The following ALPI variants were observed in gnomAD, a reference collection of about 807,000 sequenced individuals.
ALPI encodes intestinal-type alkaline phosphatase.
A neutral mutation model predicts 51.5 loss-of-function variants in ALPI; 50 were observed. The ratio of observed to expected loss-of-function variants is 0.97; its 90% CI spans 0.77 to 1.23. The LOEUF (loss-of-function observed/expected upper bound fraction) is 1.23, where lower values mean the gene tolerates loss of function less well. Ranked by LOEUF, ALPI falls within the 50% of genes most tolerant of loss-of-function variation. The pLI, the probability that ALPI is intolerant of heterozygous loss-of-function variation, is 0.00. For synonymous variants in ALPI, 322 were observed against 308.2 expected (o/e 1.04, Z -0.47); for missense variants, 692 against 722.4 (o/e 0.96, Z 0.48).
chr2:232,459,023 G>A lies in ALPI; in HGVS notation c.1464G>A (p.Glu488=). 1 of 1,559,384 alleles carries A rather than the reference G, an allele frequency of 6.4e-7. No homozygotes were observed. Among genetic ancestry groups the A allele is most frequent in the African/African-American group, 1.4e-5 (1 of 73,546 alleles). The change falls in exon 11 of 11, where the codon GAG becomes GAA. Residue 488 remains glutamate (E), a synonymous_variant. Coordinates refer to ENST00000295463, the MANE Select transcript of ALPI (RefSeq NM_001631.5). ...AHVMAFAACL[E]PYTACDLAPP... ...TCATGGCCTTCGCTGCCTGTCTGGA[G>A]CCCTACACGGCCTGCGACCTGGCGC...
Position 232,456,771 on chromosome 2 carries a change from G to A in ALPI, c.300+76G>A, listed in dbSNP as rs1690199791. 2 of 1,542,892 alleles carry A rather than the reference G, an allele frequency of 1.3e-6. No homozygotes were observed. The highest frequency in any genetic ancestry group is 1.9e-5 in the Admixed American group (1 of 51,292). On this transcript the variant is annotated intron_variant, in intron 3 of 10. Coordinates refer to ENST00000295463, the MANE Select transcript of ALPI (RefSeq NM_001631.5). The surrounding 1 kb of genome is among the most constrained non-coding windows in gnomAD (Gnocchi z 4.2). ...GATATGGAGTGTGGCAGGAGGGAGG[G>A]AGCCAGGACAGCTGGGGCCTAAGTT...
rs762791423 is a variant in ALPI at position 232,457,144 on chromosome 2, C to T, written c.476-6C>T. On this transcript the variant is annotated splice_region_variant and splice_polypyrimidine_tract_variant and intron_variant, in intron 4 of 10. Coordinates refer to ENST00000295463, the MANE Select transcript of ALPI (RefSeq NM_001631.5). This position sits in a 1 kb window ranked among gnomAD's most constrained non-coding sequence, Gnocchi z 4.7. ...GGTCACCGATCCTGACCTCTGTCAC[C>T]CTCAGGAAAGTCAGTAGGAGTGGTG... 1.7e-5 allele frequency: 27 copies of T among 1,613,418 alleles called. No homozygotes were observed. In the Admixed American group the frequency reaches 4.3e-4, roughly 26 times the overall value.
rs766078874 is a variant in ALPI at position 232,457,564 on chromosome 2, G to A, written c.649-1G>A. The A allele has an allele frequency of 1.2e-6, 2 of 1,607,560 alleles. No individual in the cohort carries two copies. The highest frequency in any genetic ancestry group is 1.7e-6 in the Non-Finnish European group (2 of 1,176,542). On this transcript the variant is annotated splice_acceptor_variant, in intron 5 of 10. Transcript: ENST00000295463. LOFTEE classifies it high-confidence loss of function. The surrounding 1 kb of genome is among the most constrained non-coding windows in gnomAD (Gnocchi z 4.7). ...CCACCTGCCCCATCCATTGTCCTCAGGTGATCCTTGGCGGAGGCCGCAAGT... is the reference window on the plus strand; with the variant it reads ...CCACCTGCCCCATCCATTGTCCTCAAGTGATCCTTGGCGGAGGCCGCAAGT...
In ALPI at chr2:232,457,171, C is replaced by T. The variant is rs1690209257; in HGVS notation, c.497C>T (p.Thr166Ile). 1 of 1,613,454 alleles carries T rather than the reference C, an allele frequency of 6.2e-7. No homozygotes were observed. The highest frequency in any genetic ancestry group is 8.5e-7 in the Non-Finnish European group (1 of 1,180,016). ...KQAGKSVGVV[T>I]TTRVQHASPA... ...TCAGGAAAGTCAGTAGGAGTGGTGA[C>T]CACCACACGGGTGCAGCACGCCTCG... Residue 166 changes from threonine to isoleucine, a missense_variant, in exon 5 of 11, where the codon ACC (threonine) becomes ATC (isoleucine). Transcript: ENST00000295463. The surrounding 1 kb of genome is among the most constrained non-coding windows in gnomAD (Gnocchi z 4.7).
Position 232,458,012 on chromosome 2 carries a change from G to C in ALPI, c.871G>C (p.Gly291Arg). 4 of 1,613,314 alleles carry C rather than the reference G, an allele frequency of 2.5e-6. No individual in the cohort carries two copies. Among genetic ancestry groups the C allele is most frequent in the Non-Finnish European group, 3.4e-6 (4 of 1,179,732 alleles). Reference sequence around the variant, plus strand: ...TTGTCCCACAGGCCTCTTTGAGCCCGGAGACACGAAATATGAGATCCACCG... The same window carrying C: ...TTGTCCCACAGGCCTCTTTGAGCCCCGAGACACGAAATATGAGATCCACCG... ...VTHLMGLFEPGDTKYEIHRDP... is the reference protein window; with the variant it reads ...VTHLMGLFEPRDTKYEIHRDP... Residue 291 changes from glycine to arginine, a missense_variant, in exon 8 of 11, where the codon GGA becomes CGA. By Grantham distance (125) the Gly-to-Arg change is moderately radical (BLOSUM62 -2). Coordinates refer to ENST00000295463, the MANE Select transcript of ALPI (RefSeq NM_001631.5).
At position 232,458,225 on chromosome 2, in the gene ALPI, A is replaced by G. The variant is rs988083115; in HGVS notation, c.1000A>G (p.Ile334Val). 6.2e-7 allele frequency: 1 copy of G among 1,614,072 alleles called. No individual in the cohort carries two copies. The highest frequency in any genetic ancestry group is 8.5e-7 in the Non-Finnish European group (1 of 1,179,996). ...CTCTGGCCTTCCTGCAGGCGGCCGC[A>G]TCGACCATGGTCATCATGAGGGTGT... The part of the protein sequence containing the change: ...GFYLFVEGGR[I>V]DHGHHEGVAY... Residue 334 changes from isoleucine to valine, a missense_variant, in exon 9 of 11, where the codon ATC (isoleucine) becomes GTC (valine). Coordinates refer to ENST00000295463, the MANE Select transcript of ALPI (RefSeq NM_001631.5).
chr2:232,457,185 C>A lies in ALPI; in HGVS notation c.511C>A (p.Gln171Lys), dbSNP rs1415578220. ...SVGVVTTTRV[Q>K]HASPAGTYAH... ...AGGAGTGGTGACCACCACACGGGTG[C>A]AGCACGCCTCGCCAGCCGGCACCTA... Residue 171 changes from glutamine to lysine, a missense_variant, in exon 5 of 11, where the codon CAG becomes AAG. Gln to Lys is a moderately conservative substitution (Grantham distance 53). Coordinates refer to ENST00000295463, the MANE Select transcript of ALPI (RefSeq NM_001631.5). This position sits in a 1 kb window ranked among gnomAD's most constrained non-coding sequence, Gnocchi z 4.7. The A allele has an allele frequency of 6.2e-7, 1 of 1,613,458 alleles. No individual in the cohort carries two copies. Among genetic ancestry groups the A allele is most frequent in the Non-Finnish European group, 8.5e-7 (1 of 1,180,026 alleles).
In ALPI at chr2:232,458,717, C is replaced by A; in HGVS notation, c.1269C>A (p.Gly423=). The change falls in exon 10 of 11, where the codon GGC becomes GGA. Residue 423 remains glycine, a synonymous_variant. Coordinates refer to ENST00000295463, the MANE Select transcript of ALPI (RefSeq NM_001631.5). ...GNGPGYVFNS[G]VRPDVNESES... ...GCCCGGGCTACGTGTTCAACTCAGG[C>A]GTGCGACCAGACGTGAATGAGAGCG... 3 of 1,613,960 alleles carry A rather than the reference C, an allele frequency of 1.9e-6. No homozygotes were observed. Among genetic ancestry groups the A allele is most frequent in the Non-Finnish European group, 2.5e-6 (3 of 1,180,030 alleles).
rs759327136 is a variant in ALPI, at chr2:232,456,350, TGAG to T, written c.76_78del (p.Glu26del). On this transcript the variant is annotated inframe_deletion and splice_region_variant, in exon 2 of 11. Transcript: ENST00000295463. This position sits in a 1 kb window ranked among gnomAD's most constrained non-coding sequence, Gnocchi z 4.2. The stretch of plus-strand genomic sequence containing the variant: ...GATCTCTACTCTCCCCCTGGCCAGC[TGAG>T]GAGGAGAACCCGGCCTTCTGGAACC... The T allele has an allele frequency of 1.2e-6, 2 of 1,613,894 alleles. No individual in the cohort carries two copies. The highest frequency in any genetic ancestry group is 1.7e-6 in the Non-Finnish European group (2 of 1,179,954).
rs757418119 is a variant in ALPI, at chr2:232,456,993, G to A, written c.395G>A (p.Ser132Asn). 6 of 1,613,490 alleles carry A rather than the reference G, an allele frequency of 3.7e-6. No homozygotes were observed. Among genetic ancestry groups the A allele is most frequent in the Non-Finnish European group, 5.1e-6 (6 of 1,180,038 alleles). ...VKANFQTIGL[S>N]AAARFNQCNT... ...GCCAACTTCCAGACCATCGGCTTGA[G>A]TGCAGCCGCCCGCTTTAACCAGTGC... Residue 132 changes from serine to asparagine, a missense_variant, in exon 4 of 11, where the codon AGT becomes AAT. Coordinates refer to ENST00000295463, the MANE Select transcript of ALPI (RefSeq NM_001631.5). The surrounding 1 kb of genome is among the most constrained non-coding windows in gnomAD (Gnocchi z 4.2).
At position 232,456,494 on chromosome 2, in the gene ALPI, T is replaced by C. The variant is rs766664750; in HGVS notation, c.184+29T>C. ...AGTGAGCAAGGCCTGTCCAGCCCCG[T>C]AGTCCTCACAGCCCCGGCACCCGGG... On this transcript the variant is annotated intron_variant, in intron 2 of 10. Coordinates refer to ENST00000295463, the MANE Select transcript of ALPI (RefSeq NM_001631.5). The surrounding 1 kb of genome is among the most constrained non-coding windows in gnomAD (Gnocchi z 4.2). The C allele has an allele frequency of 6.2e-7, 1 of 1,613,286 alleles. No individual in the cohort carries two copies. Among genetic ancestry groups the C allele is most frequent in the African/African-American group, 1.3e-5 (1 of 74,978 alleles).
In ALPI at chr2:232,458,720, G is replaced by A; in HGVS notation, c.1272G>A (p.Val424=). 1 of 1,613,964 alleles carries A rather than the reference G, an allele frequency of 6.2e-7. No individual in the cohort carries two copies. Among genetic ancestry groups the A allele is most frequent in the Non-Finnish European group, 8.5e-7 (1 of 1,180,018 alleles). The change falls in exon 10 of 11, where the codon GTG becomes GTA. Residue 424 remains valine, a synonymous_variant. Transcript: ENST00000295463. ...CGGGCTACGTGTTCAACTCAGGCGTGCGACCAGACGTGAATGAGAGCGAGA... is the reference window on the plus strand; with the variant it reads ...CGGGCTACGTGTTCAACTCAGGCGTACGACCAGACGTGAATGAGAGCGAGA... ...NGPGYVFNSG[V]RPDVNESESG...
rs1387127197 is a variant in ALPI, at chr2:232,456,199, C to A, written c.-1C>A. ...CGCCTCCCTCCTGCTGCCCCCAAGA[C>A]ATGCAGGGGCCCTGGGTGCTGCTGC... On this transcript the variant is annotated 5_prime_UTR_variant, in exon 1 of 11. Coordinates refer to ENST00000295463, the MANE Select transcript of ALPI (RefSeq NM_001631.5). This position sits in a 1 kb window ranked among gnomAD's most constrained non-coding sequence, Gnocchi z 4.2. The A allele has an allele frequency of 3.7e-6, 6 of 1,613,356 alleles. No homozygotes were observed. The highest frequency in any genetic ancestry group is 4.2e-6 in the Non-Finnish European group (5 of 1,179,984).
chr2:232,456,661 C>T lies in ALPI; in HGVS notation c.266C>T (p.Ala89Val). Residue 89 changes from alanine (A) to valine (V), a missense_variant, in exon 3 of 11, where the codon GCC becomes GTC. Ala to Val is a moderately conservative substitution (Grantham distance 64). Transcript: ENST00000295463. This position sits in a 1 kb window ranked among gnomAD's most constrained non-coding sequence, Gnocchi z 4.2. ...AAACTGGGGCCTGAGACGCCCCTGG[C>T]CATGGACCGCTTCCCATACCTGGCT... The part of the protein sequence containing the change: ...NGKLGPETPL[A>V]MDRFPYLALS... 1 of 1,610,562 alleles carries T rather than the reference C, an allele frequency of 6.2e-7. No homozygotes were observed.
At position 232,457,327 on chromosome 2, in the gene ALPI, G is replaced by A. The variant is rs977106241; in HGVS notation, c.648+5G>A. ...ATCTCCAACATGGACATTGACGTGC[G>A]ACCCCCGGGCCAAGGGCTGGGGCTG... On this transcript the variant is annotated splice_donor_5th_base_variant and intron_variant, in intron 5 of 10. Transcript: ENST00000295463. This position sits in a 1 kb window ranked among gnomAD's most constrained non-coding sequence, Gnocchi z 4.7. The A allele has an allele frequency of 3.8e-6, 6 of 1,598,284 alleles. No homozygotes were observed. The highest frequency in any genetic ancestry group is 2.3e-5 in the South Asian group (2 of 87,590).
In ALPI at chr2:232,457,934, G is replaced by A. The variant is rs1395093896; in HGVS notation, c.857-64G>A. On this transcript the variant is annotated intron_variant, in intron 7 of 10. Coordinates refer to ENST00000295463, the MANE Select transcript of ALPI (RefSeq NM_001631.5). The surrounding 1 kb of genome is among the most constrained non-coding windows in gnomAD (Gnocchi z 4.7). ...CAGAGGGTGCCATCCGAGCCTGTGT[G>A]CCCATTTGCCAGCACCCTCCCGCTC... 12 of 1,611,886 alleles carry A rather than the reference G, an allele frequency of 7.4e-6. No homozygotes were observed. Among genetic ancestry groups the A allele is most frequent in the African/African-American group, 4.0e-5 (3 of 74,822 alleles).
rs1690270856 is a variant in ALPI, at chr2:232,459,428, T to G, written c.*282T>G. 3 of 460,008 alleles carry G rather than the reference T, an allele frequency of 6.5e-6. No homozygotes were observed. Among genetic ancestry groups the G allele is most frequent in the Middle Eastern group, 6.0e-4 (1 of 1,676 alleles). The allele number at this position is 460,008 out of a possible 1,614,324, so 28.5% of individuals were successfully genotyped here. On this transcript the variant is annotated 3_prime_UTR_variant, in exon 11 of 11. Transcript: ENST00000295463. The stretch of plus-strand genomic sequence containing the variant: ...CCTCCCAACCCCAGAGACTGCAGAT[T>G]TGTGCCATGCGGCTGCCTGCACCCC...
Position 232,456,217 on chromosome 2 carries a change from G to C in ALPI, c.18G>C (p.Val6=). 1.2e-6 allele frequency: 2 copies of C among 1,612,588 alleles called. No individual in the cohort carries two copies. The highest frequency in any genetic ancestry group is 1.7e-6 in the Non-Finnish European group (2 of 1,179,168). The change falls in exon 1 of 11, where the codon GTG becomes GTC. Residue 6 remains valine, a synonymous_variant. Coordinates refer to ENST00000295463, the MANE Select transcript of ALPI (RefSeq NM_001631.5). The surrounding 1 kb of genome is among the most constrained non-coding windows in gnomAD (Gnocchi z 4.2). ...CCCAAGACATGCAGGGGCCCTGGGT[G>C]CTGCTGCTGCTGGGCCTGAGGCTAC... MQGPW[V]LLLLGLRLQL...
chr2:232,457,604 G>A lies in ALPI; in HGVS notation c.688G>A (p.Gly230Arg), dbSNP rs1416599063. ...AGGCCGCAAGTACATGTTTCCCATG[G>A]GGACCCCAGACCCTGAGTACCCAGC... The part of the protein sequence containing the change: ...GGGRKYMFPM[G>R]TPDPEYPADA... Residue 230 changes from glycine to arginine, a missense_variant, in exon 6 of 11, where the codon GGG (glycine) becomes AGG (arginine). Physicochemically the swap from Gly to Arg is moderately radical, Grantham distance 125. Transcript: ENST00000295463. The surrounding 1 kb of genome is among the most constrained non-coding windows in gnomAD (Gnocchi z 4.7). 1 of 1,613,922 alleles carries A rather than the reference G, an allele frequency of 6.2e-7. No homozygotes were observed. The highest frequency in any genetic ancestry group is 2.2e-5 in the East Asian group (1 of 44,862).
Sources: gnomAD v4.1 joint callset for allele counts on GRCh38, gnomAD v4.1.1 for gene constraint, Gnocchi (gnomAD v3.1) non-coding constraint, MANE v1.5 for transcripts, NCBI Gene and HGNC (gene_info 2026-07-23, HGNC 2026-07-21) for gene names.